Variants in MTA3 observed in about 807,000 individuals in gnomAD.
The protein encoded by MTA3 is metastasis associated 1 family member 3, also known as metastasis-associated protein MTA3.
MTA3 carries 34 observed loss-of-function variants against 83.5 expected under a neutral mutation model. The observed-to-expected ratio is 0.41, with a 90% CI of 0.31 to 0.54. The LOEUF (loss-of-function observed/expected upper bound fraction) is 0.54, where lower values mean the gene tolerates loss of function less well. Ranked by LOEUF, MTA3 falls within the 20% of genes least tolerant of loss-of-function variation. The pLI, the probability that MTA3 is intolerant of heterozygous loss-of-function variation, is 0.33. For synonymous variants in MTA3, 303 were observed against 252.7 expected (o/e 1.20, Z -1.89); for missense variants, 761 against 726.4 (o/e 1.05, Z -0.55).
At chr2:42,649,242 C>T (rs1003503622) in intron 6 of MTA3, among the ~76,000 whole-genome samples, 4 of 152,028 alleles carry the variant, frequency 2.6e-5, no homozygotes, top group Non-Finnish European at 5.9e-5. Context: ...CTAAAAAATA[C>T]AAAAATTAGC....
At chr2:42,638,653 T>C (rs908938517) in intron 4 of MTA3, among the ~76,000 whole-genome samples, 1 of 151,980 alleles carries the variant, frequency 6.6e-6, no homozygotes, top group African/African-American at 2.4e-5. Context: ...AGGTGTGAGC[T>C]GGGCACAATT....
intron 2 of MTA3, among the ~76,000 whole-genome samples, chr2:42,563,313 C>T (rs113272109): frequency 0.012 from 1,819 of 152,102 alleles, 45 homozygotes; most frequent in African/African-American, 0.042. Context: ...GGATTACAGG[C>T]GCGCGCCACC....
At chr2:42,533,579 A>G (rs1382510684) in intron 2 of MTA3, 3 of 139,350 alleles carry the variant, frequency 2.2e-5, no homozygotes, top group African/African-American at 8.1e-5. Flanking sequence ...CACGCCTGTA[A>G]TCCCAGCACT....
At chr2:42,543,676 G>A (rs1204023506) in intron 2 of MTA3, among the ~76,000 whole-genome samples, 1 of 145,716 alleles carries the variant, frequency 6.9e-6, no homozygotes, top group Non-Finnish European at 1.5e-5. Context: ...TGTACAGACA[G>A]GGTCTTACTC....
chr2:42,632,720 G>A (rs6742450), intron 4 of MTA3, among the ~76,000 whole-genome samples: 115,140 of 152,036 alleles, frequency 0.76, 44,008 homozygotes, highest in South Asian at 0.88. Context: ...TAATTTGTCA[G>A]TCATTTTTCT....
Position 42,659,850 on chromosome 2 carries a change from A to C in MTA3, c.690A>C (p.Arg230=), listed in dbSNP as rs774668153. The C allele has an allele frequency of 1.2e-6, 2 of 1,603,250 alleles. No homozygotes were observed. The highest frequency in any genetic ancestry group is 3.4e-5 in the Admixed American group (2 of 58,504). ...ATATGAGTGCTGCTGCAGCTTCCCGAGACATCACCTTGGTAAGACATGGTT... is the reference window on the plus strand; with the variant it reads ...ATATGAGTGCTGCTGCAGCTTCCCGCGACATCACCTTGGTAAGACATGGTT... ...SLHMSAAAAS[R]DITLFHAMDT... is the part of the protein sequence containing the mutation. Residue 230 remains arginine, a synonymous_variant, in exon 8 of 17, where the codon CGA becomes CGC. Coordinates refer to ENST00000405094, the MANE Select transcript of MTA3 (RefSeq NM_001330442.2).
intron 3 of MTA3, among the ~76,000 whole-genome samples, chr2:42,601,650 G>A (rs542377486): frequency 2.9e-4 from 44 of 152,124 alleles, no homozygotes; most frequent in African/African-American, 9.4e-4. Flanking sequence ...GGCCTCCTGA[G>A]TAGCTGGGAT....
chr2:42,551,996 G>A (rs7574178), intron 2 of MTA3, among the ~76,000 whole-genome samples: 2,076 of 152,198 alleles, frequency 0.014, 48 homozygotes, highest in African/African-American at 0.047. Flanking sequence ...AAAGTGCTGG[G>A]ATTACAAGTG....
intron 2 of MTA3, among the ~76,000 whole-genome samples, chr2:42,519,456 A>G (rs1363088959): frequency 6.6e-6 from 1 of 151,856 alleles, no homozygotes; most frequent in Non-Finnish European, 1.5e-5. Flanking sequence ...AAATACAAAA[A>G]GTAGCCGGGT....
intron 3 of MTA3, among the ~76,000 whole-genome samples, chr2:42,597,474 C>T (rs775503053): frequency 6.7e-6 from 1 of 150,282 alleles, no homozygotes; most frequent in Non-Finnish European, 1.5e-5. Flanking sequence ...CAACCCCCAC[C>T]TCCTGGGTTC....
chr2:42,547,746 G>T (rs1421951788), intron 2 of MTA3, among the ~76,000 whole-genome samples: 1 of 152,194 alleles, frequency 6.6e-6, no homozygotes, highest in African/African-American at 2.4e-5. Flanking sequence ...TGTCTATTAA[G>T]CTAGGTTGCA....
At chr2:42,504,679 T>G (rs1018219283) in intron 2 of MTA3, among the ~76,000 whole-genome samples, 7 of 151,512 alleles carry the variant, frequency 4.6e-5, no homozygotes, top group African/African-American at 1.7e-4. Flanking sequence ...TTTTTTTTTG[T>G]AGAGATGTGG....
chr2:42,581,545 A>C (rs1428481831), intron 3 of MTA3, among the ~76,000 whole-genome samples: 2 of 150,822 alleles, frequency 1.3e-5, no homozygotes, highest in African/African-American at 4.9e-5. Flanking sequence ...GCTAATTAAA[A>C]AACTTTTTTT....
At chr2:42,660,040 G>A in intron 8 of MTA3, among the ~76,000 whole-genome samples, 178 bp downstream of exon 8, 1 of 151,580 alleles carries the variant, frequency 6.6e-6, no homozygotes, top group Non-Finnish European at 1.5e-5. Context: ...TCTGTGAGTT[G>A]AGAGTTTTTT....
rs866319935 is a variant in MTA3, at chr2:42,756,250, G to A, written c.*2851G>A. 1 of 205,620 alleles carries A rather than the reference G, an allele frequency of 4.9e-6. No individual in the cohort carries two copies. The highest frequency in any genetic ancestry group is 2.3e-3 in the Middle Eastern group (1 of 434). 12.7% of individuals were successfully genotyped at this position (205,620 alleles called of 1,614,324 possible). On this transcript the variant is annotated 3_prime_UTR_variant, in exon 17 of 17. Transcript: ENST00000405094. ...CACACTGTGGACCTGTCTGGTGGGG[G>A]CTGGAGCCTCGAGAAGCCATGATTC...
chr2:42,580,491 C>T (rs549808015), intron 3 of MTA3, among the ~76,000 whole-genome samples: 28 of 152,186 alleles, frequency 1.8e-4, no homozygotes, highest in African/African-American at 6.0e-4. Context: ...CCTGCCTCAG[C>T]CTCCTGGGTA....
intron 6 of MTA3, among the ~76,000 whole-genome samples, chr2:42,644,836 G>A (rs570923758): frequency 2.0e-5 from 3 of 152,240 alleles, no homozygotes; most frequent in South Asian, 4.2e-4. Context: ...GATAAATGCT[G>A]TGTGTTCTGA....
intron 2 of MTA3, among the ~76,000 whole-genome samples, chr2:42,540,501 C>A (rs6754279): frequency 0.33 from 50,677 of 151,738 alleles, 8,550 homozygotes; most frequent in South Asian, 0.41. Context: ...GGAAAATGAT[C>A]TGTCTATATT....
chr2:42,553,152 G>A (rs1481115777), intron 2 of MTA3, among the ~76,000 whole-genome samples: 3 of 151,920 alleles, frequency 2.0e-5, no homozygotes, highest in South Asian at 2.1e-4. Flanking sequence ...TGGGCCGGGC[G>A]CAGTGGCTCA....
Sources: gnomAD v4.1 joint callset for allele counts (sites outside exome capture counted in the v4.1 genomes callset) on GRCh38, gnomAD v4.1.1 for gene constraint, MANE v1.5 for transcripts, NCBI Gene and HGNC (gene_info 2026-07-23, HGNC 2026-07-21) for gene names.